SPRR2F: variants seen among roughly 807,000 people sequenced by gnomAD.
The protein encoded by SPRR2F is small proline rich protein 2F, also known as small proline-rich protein 2F.
SPRR2F carries 2 observed loss-of-function variants against 0.8 expected under a neutral mutation model. That is an observed-to-expected ratio of 2.52 (90% CI 1.03 to 7.95). The LOEUF is 7.95. Among genes scored for constraint, SPRR2F ranks in the 30% most tolerant of loss-of-function variants. The pLI, the probability that SPRR2F is intolerant of heterozygous loss-of-function variation, is 0.04. For synonymous variants in SPRR2F, 39 were observed against 33.4 expected (o/e 1.17, Z -0.58); for missense variants, 80 against 85.8 (o/e 0.93, Z 0.27).
upstream of SPRR2F, among the ~76,000 whole-genome samples, chr1:153,118,035 C>T (rs1231697034): frequency 6.6e-6 from 1 of 152,068 alleles, no homozygotes; most frequent in Non-Finnish European, 1.5e-5. Flanking sequence ...TAGCATCCAT[C>T]ATCATGACTC....
At position 153,112,605 on chromosome 1, in the gene SPRR2F, C is replaced by A; in HGVS notation, c.129G>T (p.Gln43His). Residue 43 changes from glutamine to histidine, a missense_variant, in exon 2 of 2, where the codon CAG becomes CAT. Coordinates refer to ENST00000468739, the MANE Select transcript of SPRR2F (RefSeq NM_001014450.3). The stretch of plus-strand genomic sequence containing the variant: ...GCTGGCACTGCTGAGGTGGGCAGGA[C>A]TGTGGACACTTTGATGGTGGGCAGG... ...PEPCPPSKCP[Q>H]SCPPQQCQQK... The A allele has an allele frequency of 6.2e-7, 1 of 1,612,836 alleles. No individual in the cohort carries two copies. The highest frequency in any genetic ancestry group is 8.5e-7 in the Non-Finnish European group (1 of 1,179,836).
chr1:153,117,569 G>A (rs1655742063), upstream of SPRR2F, among the ~76,000 whole-genome samples: 1 of 151,904 alleles, frequency 6.6e-6, no homozygotes, highest in South Asian at 2.1e-4. Flanking sequence ...GTCCTTATAA[G>A]GAACTGAATC....
rs1655600721 is a variant in SPRR2F at position 153,112,189 on chromosome 1, G to A, written c.*326C>T. 2 of 411,014 alleles carry A rather than the reference G, an allele frequency of 4.9e-6. No individual in the cohort carries two copies. The highest frequency in any genetic ancestry group is 7.9e-5 in the Admixed American group (2 of 25,418). The allele number at this position is 411,014 out of a possible 1,614,324, so 25.5% of individuals were successfully genotyped here. ...AACTGCACAGGTGGTGGAAGCTCAT[G>A]CCCAGGGGACAGACAGACACAGAAA... is the stretch of plus-strand genomic sequence containing the variant. On this transcript the variant is annotated 3_prime_UTR_variant, in exon 2 of 2. Transcript: ENST00000468739.
At chr1:153,117,635 T>C (rs759418125), upstream of SPRR2F, among the ~76,000 whole-genome samples, 19 of 152,100 alleles carry the variant, frequency 1.2e-4, no homozygotes, top group Middle Eastern at 3.2e-3. Context: ...CTAGTTCTAT[T>C]TTCTCTAAAT....
At chr1:153,115,173 CG>C (rs1159614340), upstream of SPRR2F, among the ~76,000 whole-genome samples, 1 of 152,132 alleles carries the variant, frequency 6.6e-6, no homozygotes, top group East Asian at 1.9e-4. Context: ...AAAGACATCA[CG>C]TCAGCACCTT....
upstream of SPRR2F, among the ~76,000 whole-genome samples, chr1:153,115,881 T>C (rs1316103877): frequency 6.6e-6 from 1 of 152,208 alleles, no homozygotes; most frequent in African/African-American, 2.4e-5. Flanking sequence ...TTTGAAGGGA[T>C]TATTAAGTTT....
At chr1:153,113,151 T>C (rs906156914) in intron 1 of SPRR2F, among the ~76,000 whole-genome samples, 4 of 152,272 alleles carry the variant, frequency 2.6e-5, no homozygotes, top group South Asian at 2.1e-4. Context: ...TTGGGAAGAA[T>C]TGCATGCTCT....
upstream of SPRR2F, among the ~76,000 whole-genome samples, chr1:153,115,032 G>A (rs921401702): frequency 6.6e-6 from 1 of 152,268 alleles, no homozygotes; most frequent in African/African-American, 2.4e-5. Context: ...TCCAGGAAGG[G>A]TAGGAGTGCT....
chr1:153,115,497 T>C (rs543914013), upstream of SPRR2F, among the ~76,000 whole-genome samples: 91 of 152,064 alleles, frequency 6.0e-4, no homozygotes, highest in African/African-American at 2.1e-3. Context: ...GGCACCAGAG[T>C]GGCAGCAGCC....
chr1:153,116,366 CTGTTTGGTTGGTGTA>C, upstream of SPRR2F, among the ~76,000 whole-genome samples: 1 of 152,156 alleles, frequency 6.6e-6, no homozygotes, highest in East Asian at 1.9e-4. Flanking sequence ...AAATGTGATT[CTGTTTGGTTGGTGTA>C]ATTACAGATG....
upstream of SPRR2F, among the ~76,000 whole-genome samples, chr1:153,116,015 CT>C (rs924781960): frequency 1.9e-4 from 29 of 152,222 alleles, no homozygotes; most frequent in African/African-American, 6.5e-4. Flanking sequence ...CAAAATAGTC[CT>C]GGCAAATTAA....
At chr1:153,118,885 T>C in the SPRR2F span, among the ~76,000 whole-genome samples, 2 of 152,172 alleles carry the variant, frequency 1.3e-5, no homozygotes, top group Non-Finnish European at 2.9e-5. Context: ...TGCAAATTCA[T>C]AAAATATAAT....
At chr1:153,119,256 G>C in the SPRR2F span, among the ~76,000 whole-genome samples, 14 of 152,196 alleles carry the variant, frequency 9.2e-5, no homozygotes, top group Non-Finnish European at 1.5e-5. Flanking sequence ...GGAATTCCTT[G>C]AATGGAGAAT....
chr1:153,112,499 A>G lies in SPRR2F; in HGVS notation c.*16T>C, dbSNP rs745600626. 5 of 1,607,602 alleles carry G rather than the reference A, an allele frequency of 3.1e-6. 1 individual carries two copies. Among genetic ancestry groups the G allele is most frequent in the Middle Eastern group, 4.1e-4 (2 of 4,890 alleles). ...TTATCCTTATCCTTTCATGCTCCTG[A>G]TGAATCCTGAAGCTGTTACTTGCTC... On this transcript the variant is annotated 3_prime_UTR_variant, in exon 2 of 2. Coordinates refer to ENST00000468739, the MANE Select transcript of SPRR2F (RefSeq NM_001014450.3).
upstream of SPRR2F, among the ~76,000 whole-genome samples, chr1:153,113,918 T>C (rs1655660197): frequency 1.3e-5 from 2 of 151,330 alleles, no homozygotes; most frequent in Admixed American, 6.6e-5. Flanking sequence ...TCTCCACCTC[T>C]ACTTTCCTTG....
chr1:153,114,530 A>C (rs1655680656), upstream of SPRR2F, among the ~76,000 whole-genome samples: 1 of 152,184 alleles, frequency 6.6e-6, no homozygotes. Context: ...GTAGGTTTGC[A>C]GAGTGGAGAT....
chr1:153,118,470 A>G (rs1381079564), upstream of SPRR2F, among the ~76,000 whole-genome samples: 1 of 152,150 alleles, frequency 6.6e-6, no homozygotes, highest in African/African-American at 2.4e-5. Context: ...GCATCAAGAG[A>G]TAAGTGAATC....
upstream of SPRR2F, among the ~76,000 whole-genome samples, chr1:153,114,795 A>G (rs1046287654): frequency 1.3e-5 from 2 of 152,186 alleles, no homozygotes; most frequent in Admixed American, 1.3e-4. Context: ...TATATTGTCA[A>G]TGCATATAGT....
upstream of SPRR2F, among the ~76,000 whole-genome samples, chr1:153,115,333 A>G (rs1557923626): frequency 6.6e-6 from 1 of 152,172 alleles, no homozygotes; most frequent in Non-Finnish European, 1.5e-5. Flanking sequence ...CTAAAACACA[A>G]ATCCTTAGAG....
Sources: allele counts gnomAD v4.1 joint callset (sites outside exome capture counted in the v4.1 genomes callset), GRCh38; gene constraint gnomAD v4.1.1; transcripts MANE v1.5; gene names NCBI Gene and HGNC (gene_info 2026-07-23, HGNC 2026-07-21).